CENPP: variants seen among roughly 807,000 people sequenced by gnomAD.
CENPP encodes centromere protein P.
Under a neutral mutation model 35.6 loss-of-function variants are expected in CENPP, and 24 were observed. That is an observed-to-expected ratio of 0.67 (90% confidence interval 0.49 to 0.95). CENPP has a LOEUF of 0.95. Among genes scored for constraint, CENPP ranks in the 40% least tolerant of loss-of-function variants. The probability of loss-of-function intolerance (pLI) is 0.00; values close to 1 mark genes in which losing one functional copy is unlikely to be tolerated. For synonymous variants in CENPP, 120 were observed against 125.5 expected, an observed-to-expected ratio of 0.96 and a Z score of 0.29; for missense variants, 332 against 345.3, an observed-to-expected ratio of 0.96 and a Z score of 0.31.
At chr9:92,583,546 T>A (rs1383848307) in intron 5 of CENPP, among the ~76,000 whole-genome samples, 3 of 152,202 alleles carry the variant, frequency 2.0e-5, no homozygotes, top group African/African-American at 7.2e-5. Flanking sequence ...TAAACTAATA[T>A]ATGAGGTTCA....
At chr9:92,329,642 A>T (rs1210803738) in intron 1 of CENPP, among the ~76,000 whole-genome samples, 1 of 152,010 alleles carries the variant, frequency 6.6e-6, no homozygotes, top group African/African-American at 2.4e-5. Flanking sequence ...ATGCTCAAGC[A>T]ATCGTCCTGC....
chr9:92,544,426 C>T (rs1031596061), intron 5 of CENPP, among the ~76,000 whole-genome samples: 1 of 152,036 alleles, frequency 6.6e-6, no homozygotes, highest in Non-Finnish European at 1.5e-5. Flanking sequence ...CAGCGAGCCA[C>T]GATTGCACCA....
intron 5 of CENPP, among the ~76,000 whole-genome samples, chr9:92,585,540 TG>T (rs1486466625): frequency 6.6e-6 from 1 of 152,210 alleles, no homozygotes; most frequent in African/African-American, 2.4e-5. Flanking sequence ...GTGGAATTAC[TG>T]GTTGTATGGC....
intron 5 of CENPP, among the ~76,000 whole-genome samples, chr9:92,399,240 A>T (rs1304528735): frequency 6.6e-6 from 1 of 151,934 alleles, no homozygotes; most frequent in African/African-American, 2.4e-5. Context: ...TCATACTTCA[A>T]TTTTTTTCAA....
At chr9:92,454,439 A>C (rs1262337812) in intron 5 of CENPP, among the ~76,000 whole-genome samples, 1 of 152,128 alleles carries the variant, frequency 6.6e-6, no homozygotes, top group African/African-American at 2.4e-5. Flanking sequence ...ATGAATTTCA[A>C]GATGTTGGGT....
chr9:92,495,733 A>C (rs1846312430), intron 5 of CENPP: 5 of 931,396 alleles, frequency 5.4e-6, no homozygotes, highest in African/African-American at 1.8e-5. Context: ...AAAACCAGGA[A>C]ATTAACATTA....
chr9:92,575,773 C>T (rs932169456), intron 5 of CENPP, among the ~76,000 whole-genome samples: 15 of 152,006 alleles, frequency 9.9e-5, no homozygotes, highest in African/African-American at 3.4e-4. Flanking sequence ...GATTGCACCA[C>T]TGCTCTCCAG....
intron 5 of CENPP, among the ~76,000 whole-genome samples, chr9:92,486,306 A>C (rs1463835070): frequency 3.3e-5 from 5 of 152,174 alleles, no homozygotes; most frequent in African/African-American, 1.2e-4. Context: ...AGATTTCATG[A>C]GTTTTAATGT....
At chr9:92,468,186 TC>T (rs1376010960) in intron 5 of CENPP, among the ~76,000 whole-genome samples, 1 of 152,188 alleles carries the variant, frequency 6.6e-6, no homozygotes, top group Non-Finnish European at 1.5e-5. Context: ...AGTTTGTTTT[TC>T]CTAATTAAAA....
intron 1 of CENPP, among the ~76,000 whole-genome samples, chr9:92,331,688 A>G (rs1410635406): frequency 6.6e-6 from 1 of 152,222 alleles, no homozygotes; most frequent in Non-Finnish European, 1.5e-5. Flanking sequence ...TGGGCTGGGC[A>G]TGGTGGATCA....
rs1375577074 is a variant in CENPP at position 92,613,630 on chromosome 9, C to CG, written c.*483dup. 4 of 160,808 alleles carry CG rather than the reference C, an allele frequency of 2.5e-5. No individual in the cohort carries two copies. Among genetic ancestry groups the CG allele is most frequent in the East Asian group, 3.5e-4 (2 of 5,716 alleles). The allele number at this position is 160,808 out of a possible 1,614,324, so 10.0% of individuals were successfully genotyped here. ...CACACCCTCACTCCCTGCCTCCCCC[C>CG]GGTCCGCATGGTGGCACCGTGAGGC... On this transcript the variant is annotated 3_prime_UTR_variant, in exon 8 of 8. Coordinates refer to ENST00000375587, the MANE Select transcript of CENPP (RefSeq NM_001012267.3).
intron 5 of CENPP, among the ~76,000 whole-genome samples, chr9:92,556,355 G>A (rs995557481): frequency 2.0e-5 from 3 of 152,144 alleles, no homozygotes; most frequent in African/African-American, 7.2e-5. Context: ...AATAGAATGT[G>A]TATTCTGCAG....
Position 92,618,339 on chromosome 9 carries a change from C to T in CENPP, c.*5190C>T, listed in dbSNP as rs1851511616. ...GTGTCGTTTCTGCTGAGCAGCTGGTCGTAAGGACCCGGGCCTTCAGCTTTC... is the reference window on the plus strand; with the variant it reads ...GTGTCGTTTCTGCTGAGCAGCTGGTTGTAAGGACCCGGGCCTTCAGCTTTC... On this transcript the variant is annotated 3_prime_UTR_variant, in exon 8 of 8. Transcript: ENST00000375587. 2.2e-6 allele frequency: 1 copy of T among 456,718 alleles called. No individual in the cohort carries two copies. Among genetic ancestry groups the T allele is most frequent in the Non-Finnish European group, 4.4e-6 (1 of 226,952 alleles). 28.3% of individuals were successfully genotyped at this position (456,718 alleles called of 1,614,324 possible). A position where few individuals can be genotyped will look rare whatever the true frequency, so the allele number is the denominator to read the frequency against.
intron 5 of CENPP, chr9:92,511,935 C>G (rs1318008259): frequency 3.6e-6 from 4 of 1,117,056 alleles, no homozygotes; most frequent in African/African-American, 3.2e-5. Flanking sequence ...TCCTTTTCCT[C>G]CCTTCCCCAT....
intron 5 of CENPP, among the ~76,000 whole-genome samples, chr9:92,470,296 G>T (rs963724150): frequency 2.0e-5 from 3 of 152,112 alleles, no homozygotes; most frequent in Admixed American, 1.3e-4. Flanking sequence ...AGAGATTTGT[G>T]GTGTCTTAAC....
intron 5 of CENPP, among the ~76,000 whole-genome samples, chr9:92,505,066 C>T (rs1437205805): frequency 6.6e-6 from 1 of 152,170 alleles, no homozygotes; most frequent in Non-Finnish European, 1.5e-5. Context: ...CAGTCAGAGG[C>T]CTTCTTTGTA....
Position 92,619,324 on chromosome 9 carries a change from G to GA in CENPP, c.*6176dup. ...ACTGAATTACAAGCTTCTAGAGGGC[G>GA]AGAGTTAGTAAGCCCCATGATGTCA... is the stretch of plus-strand genomic sequence containing the variant. On this transcript the variant is annotated 3_prime_UTR_variant, in exon 8 of 8. Transcript: ENST00000375587. The GA allele has an allele frequency of 3.3e-6, 2 of 605,030 alleles. No individual in the cohort carries two copies. The highest frequency in any genetic ancestry group is 6.0e-6 in the Non-Finnish European group (2 of 334,030). The allele number at this position is 605,030 out of a possible 1,614,324, so 37.5% of individuals were successfully genotyped here.
chr9:92,393,783 G>A (rs1842782081), intron 5 of CENPP, among the ~76,000 whole-genome samples: 3 of 151,986 alleles, frequency 2.0e-5, no homozygotes, highest in Admixed American at 2.0e-4. Flanking sequence ...GAAAAGTGTA[G>A]AGCTTTTTTT....
chr9:92,530,021 C>T (rs1392259349), intron 5 of CENPP, among the ~76,000 whole-genome samples: 1 of 152,068 alleles, frequency 6.6e-6, no homozygotes, highest in South Asian at 2.1e-4. Flanking sequence ...ACTTACATAG[C>T]CTATACAGTG....
Sources: allele counts gnomAD v4.1 joint callset (sites outside exome capture counted in the v4.1 genomes callset), GRCh38; gene constraint gnomAD v4.1.1; transcripts MANE v1.5; gene names NCBI Gene and HGNC (gene_info 2026-07-23, HGNC 2026-07-21).